The following DNAH17 variants were observed in gnomAD, a reference collection of about 807,000 sequenced individuals.
DNAH17 encodes the protein dynein axonemal heavy chain 17.
DNAH17 carries 376 observed loss-of-function variants against 485.6 expected under a neutral mutation model. The observed-to-expected ratio is 0.77, with a 90% CI of 0.71 to 0.84. The LOEUF is 0.84. Among genes scored for constraint, DNAH17 ranks in the 40% least tolerant of loss-of-function variants. The probability of loss-of-function intolerance (pLI) is 0.00; values close to 1 mark genes in which losing one functional copy is unlikely to be tolerated. For missense variants in DNAH17, 6,370 were observed against 5,839.3 expected, an observed-to-expected ratio of 1.09 and a Z score of -2.96; for synonymous variants, 3,031 against 2,405.9, an observed-to-expected ratio of 1.26 and a Z score of -7.60.
chr17:78,508,599 C>T (rs1454338568), intron 27 of DNAH17, among the ~76,000 whole-genome samples: 1 of 152,098 alleles, frequency 6.6e-6, no homozygotes, highest in Middle Eastern at 3.2e-3. Context: ...GAAAATGTTG[C>T]CTCCTCTACC....
intron 16 of DNAH17, 32 bp downstream of exon 16, chr17:78,551,503 A>G: frequency 6.2e-7 from 1 of 1,605,332 alleles, no homozygotes; most frequent in Non-Finnish European, 8.5e-7. Context: ...GGCCCCCACA[A>G]AGCCCCACTC....
chr17:78,473,317 G>T (rs1471362653), intron 54 of DNAH17, among the ~76,000 whole-genome samples: 1 of 152,092 alleles, frequency 6.6e-6, no homozygotes, highest in Non-Finnish European at 1.5e-5. Flanking sequence ...GGCTGAGGCG[G>T]GCAGATCACG....
rs2143327471 is a variant in DNAH17 at position 78,532,659 on chromosome 17, C to T, written c.2937G>A (p.Glu979=). 1.9e-6 allele frequency: 3 copies of T among 1,595,930 alleles called. No individual in the cohort carries two copies. In the South Asian group the frequency reaches 3.4e-5, roughly 18 times the overall value. Reference sequence around the variant, plus strand: ...CAAAGGAATCCTGGTACTCCTCGGCCTCCTTCATGGCATTGATGACCAGGC... The same window carrying T: ...CAAAGGAATCCTGGTACTCCTCGGCTTCCTTCATGGCATTGATGACCAGGC... The part of the protein sequence containing the change: ...VSSLVINAMK[E]AEEYQDSFER... Residue 979 remains glutamate, a synonymous_variant, in exon 20 of 81, where the codon GAG becomes GAA. Transcript: ENST00000389840.
chr17:78,440,807 A>G (rs536707014), intron 72 of DNAH17, among the ~76,000 whole-genome samples: 8 of 152,316 alleles, frequency 5.3e-5, no homozygotes, highest in African/African-American at 1.9e-4. Flanking sequence ...CTGAGAAACC[A>G]CCAGACTGTT....
intron 25 of DNAH17, among the ~76,000 whole-genome samples, chr17:78,520,482 A>T (rs1215891383): frequency 6.7e-6 from 1 of 150,126 alleles, no homozygotes; most frequent in Non-Finnish European, 1.5e-5. Flanking sequence ...TAAGGAGTCT[A>T]AAAAAGCCAT....
chr17:78,424,488 C>T (rs1466979735), intron 80 of DNAH17: 1 of 299,470 alleles, frequency 3.3e-6, no homozygotes, highest in African/African-American at 2.1e-5. Flanking sequence ...GAGTAAAGTT[C>T]CCTGATTCTT....
rs1246618533 is a variant in DNAH17 at position 78,494,129 on chromosome 17, G to A, written c.6315C>T (p.Asp2105=). 3 of 1,612,680 alleles carry A rather than the reference G, an allele frequency of 1.9e-6. No homozygotes were observed. Among genetic ancestry groups the A allele is most frequent in the Admixed American group, 1.7e-5 (1 of 59,976 alleles). The stretch of plus-strand genomic sequence containing the variant: ...GCTGCACCACCTTCAGCACGAAGCT[G>A]TCCTCCGCCTGCAGCTTGAGCTCCA... ...SIVELKLQAE[D]SFVLKVVQLE... is the part of the protein sequence containing the mutation. The change falls in exon 41 of 81, where the codon GAC becomes GAT. Residue 2105 remains aspartate, a synonymous_variant. Coordinates refer to ENST00000389840, the MANE Select transcript of DNAH17 (RefSeq NM_173628.4).
At chr17:78,570,471 C>CA (rs1468249974) in intron 6 of DNAH17, 99 bp from the exon 7 acceptor site, 1 of 1,441,288 alleles carries the variant, frequency 6.9e-7, no homozygotes. Flanking sequence ...ACTGGGTATC[C>CA]AGCAGAGGGT....
Position 78,476,541 on chromosome 17 carries a change from C to T in DNAH17, c.8154+31G>A, listed in dbSNP as rs1165675714. 1.8e-5 allele frequency: 28 copies of T among 1,590,678 alleles called. No individual in the cohort carries two copies. The East Asian group carries it at 6.1e-4, about 35-fold the overall frequency. On this transcript the variant is annotated intron_variant, in intron 52 of 80. Coordinates refer to ENST00000389840, the MANE Select transcript of DNAH17 (RefSeq NM_173628.4). ...TCCACCCTCCTGGAGCCATTCTGGG[C>T]TCGGCAGAGGGACTGGGCAGCTTGA...
At chr17:78,499,997 T>G (rs1346167814) in intron 36 of DNAH17, 5 of 280,824 alleles carry the variant, frequency 1.8e-5, no homozygotes, top group Non-Finnish European at 3.4e-5. Flanking sequence ...ATGAGGGAGG[T>G]GCTCACCCCT....
intron 38 of DNAH17, among the ~76,000 whole-genome samples, 193 bp downstream of exon 38, chr17:78,495,682 C>G (rs1306922222): frequency 1.3e-5 from 2 of 152,146 alleles, no homozygotes; most frequent in Non-Finnish European, 2.9e-5. Flanking sequence ...AGGTGATCCA[C>G]CCTCCTCAGC....
At chr17:78,432,872 T>G in intron 75 of DNAH17, among the ~76,000 whole-genome samples, 1 of 137,372 alleles carries the variant, frequency 7.3e-6, no homozygotes. Flanking sequence ...GAGGTCTCAG[T>G]GAATGAGTAG....
chr17:78,522,586 T>G (rs889569795), intron 25 of DNAH17: 1 of 281,920 alleles, frequency 3.5e-6, no homozygotes, highest in African/African-American at 2.3e-5. Flanking sequence ...AGGCAGCCAC[T>G]GGGCCTGGGT....
intron 69 of DNAH17, 137 bp from the exon 70 acceptor site, chr17:78,445,817 G>GT (rs2087264352): frequency 2.2e-6 from 2 of 903,580 alleles, no homozygotes; most frequent in Admixed American, 5.8e-5. Context: ...TTGGTTTGGG[G>GT]TAAAGTTTTG....
chr17:78,549,293 C>T (rs954971465), intron 16 of DNAH17, among the ~76,000 whole-genome samples: 1 of 152,018 alleles, frequency 6.6e-6, no homozygotes, highest in Non-Finnish European at 1.5e-5. Flanking sequence ...CCTCTCTCTA[C>T]TACGTGAGGC....
intron 14 of DNAH17, among the ~76,000 whole-genome samples, chr17:78,555,312 C>T (rs2091995352): frequency 6.6e-6 from 1 of 152,078 alleles, no homozygotes; most frequent in Admixed American, 6.6e-5. Flanking sequence ...AGACTACACC[C>T]TACGTGAGAG....
intron 11 of DNAH17, among the ~76,000 whole-genome samples, chr17:78,565,646 C>A (rs1443188418): frequency 2.0e-5 from 3 of 152,190 alleles, no homozygotes; most frequent in Non-Finnish European, 2.9e-5. Flanking sequence ...CATAGCAAAA[C>A]CTTGTCTCTA....
chr17:78,526,667 T>A lies in DNAH17; in HGVS notation c.3695A>T (p.Tyr1232Phe). The change falls in exon 24 of 81, where the codon TAC becomes TTC. Residue 1232 changes from tyrosine (Y) to phenylalanine (F), a missense_variant. Coordinates refer to ENST00000389840, the MANE Select transcript of DNAH17 (RefSeq NM_173628.4). ...APFSFSDPNP[Y>F]KSLNKQQKSI... is the part of the protein sequence containing the mutation. ...CAAAAATACCTTATTCAGGGACTTG[T>A]AGGGGTTGGGGTCGCTGAAGGAGAA... 1.2e-6 allele frequency: 2 copies of A among 1,609,522 alleles called. No individual in the cohort carries two copies. The highest frequency in any genetic ancestry group is 1.7e-6 in the Non-Finnish European group (2 of 1,176,770).
chr17:78,423,896 C>T lies in DNAH17; in HGVS notation c.*10G>A. ...GCCCCAGGGAGTGTGGGCTGTGAGGCAGGAGCGAGCTAAACCTGTAGGAGC... is the reference window on the plus strand; with the variant it reads ...GCCCCAGGGAGTGTGGGCTGTGAGGTAGGAGCGAGCTAAACCTGTAGGAGC... On this transcript the variant is annotated 3_prime_UTR_variant, in exon 81 of 81. Coordinates refer to ENST00000389840, the MANE Select transcript of DNAH17 (RefSeq NM_173628.4). 1 of 1,613,518 alleles carries T rather than the reference C, an allele frequency of 6.2e-7. No homozygotes were observed. Among genetic ancestry groups the T allele is most frequent in the Non-Finnish European group, 8.5e-7 (1 of 1,179,596 alleles).
Sources: allele counts gnomAD v4.1 joint callset (sites outside exome capture counted in the v4.1 genomes callset), GRCh38; gene constraint gnomAD v4.1.1; transcripts MANE v1.5; gene names NCBI Gene and HGNC (gene_info 2026-07-23, HGNC 2026-07-21).